The following INSYN2A variants were observed in gnomAD, a reference collection of about 807,000 sequenced individuals.
INSYN2A encodes the protein inhibitory synaptic factor 2A.
A neutral mutation model predicts 39.4 loss-of-function variants in INSYN2A; 17 were observed. The ratio of observed to expected loss-of-function variants is 0.43; its 90% CI spans 0.30 to 0.65. The LOEUF (loss-of-function observed/expected upper bound fraction) is 0.65. INSYN2A is among the 30% of genes least tolerant of loss of function. The pLI is 0.14. For missense variants in INSYN2A, 595 were observed against 631.2 expected (o/e 0.94, Z 0.61); for synonymous variants, 255 against 265.7 (o/e 0.96, Z 0.39).
intron 1 of INSYN2A, among the ~76,000 whole-genome samples, chr10:127,194,106 T>G (rs1390935523): frequency 6.6e-6 from 1 of 152,252 alleles, no homozygotes; most frequent in Non-Finnish European, 1.5e-5. Flanking sequence ...AGTCTTTCAT[T>G]TAGCTAAAGA....
chr10:127,148,524 T>C (rs1592230271), intron 5 of INSYN2A, among the ~76,000 whole-genome samples: 2 of 152,338 alleles, frequency 1.3e-5, no homozygotes, highest in South Asian at 2.1e-4. Context: ...GTCGCAGTAC[T>C]ATGTTACAAA....
chr10:127,146,604 C>T (rs1222124628), intron 5 of INSYN2A, among the ~76,000 whole-genome samples: 1 of 152,164 alleles, frequency 6.6e-6, no homozygotes, highest in Non-Finnish European at 1.5e-5. Flanking sequence ...ATTCCTTTCT[C>T]TCATCTTCCT....
chr10:127,163,517 T>C (rs1254406216), intron 4 of INSYN2A, among the ~76,000 whole-genome samples: 3 of 152,166 alleles, frequency 2.0e-5, no homozygotes, highest in Non-Finnish European at 4.4e-5. Flanking sequence ...TTTTGAATAA[T>C]GCTTGAGTGA....
At chr10:127,179,097 C>G (rs1020897915) in intron 2 of INSYN2A, among the ~76,000 whole-genome samples, 5 of 152,208 alleles carry the variant, frequency 3.3e-5, no homozygotes, top group African/African-American at 7.2e-5. Flanking sequence ...AGTAATTTAT[C>G]AGCCTTTTCC....
chr10:127,160,567 C>T (rs2053513279), intron 4 of INSYN2A, among the ~76,000 whole-genome samples: 1 of 152,178 alleles, frequency 6.6e-6, no homozygotes, highest in African/African-American at 2.4e-5. Flanking sequence ...TCTAGCATGT[C>T]AGGGAGCAGC....
intron 2 of INSYN2A, among the ~76,000 whole-genome samples, chr10:127,191,080 C>T (rs2056722103): frequency 6.6e-6 from 1 of 152,132 alleles, no homozygotes; most frequent in African/African-American, 2.4e-5. Flanking sequence ...CTCACTCTTC[C>T]CATACAAGTC....
intron 2 of INSYN2A, among the ~76,000 whole-genome samples, chr10:127,191,552 A>G (rs1050701996): frequency 3.3e-5 from 5 of 152,234 alleles, no homozygotes; most frequent in African/African-American, 4.8e-5. Context: ...GGTATCTAAA[A>G]TGTAACCACT....
chr10:127,193,756 T>A (rs970485951), intron 1 of INSYN2A, among the ~76,000 whole-genome samples: 15 of 152,064 alleles, frequency 9.9e-5, no homozygotes, highest in Non-Finnish European at 1.5e-5. Flanking sequence ...TTTAAAAATT[T>A]TTCCCTACAG....
intron 4 of INSYN2A, among the ~76,000 whole-genome samples, chr10:127,159,721 A>G (rs892542637): frequency 3.6e-4 from 55 of 152,162 alleles, no homozygotes; most frequent in African/African-American, 1.3e-3. Flanking sequence ...CATCACGGGT[A>G]GACATTTGAA....
chr10:127,137,762 T>C lies in INSYN2A; in HGVS notation c.*75A>G. Reference sequence around the variant, plus strand: ...GGGCACCACAGTTCCCTCGATCCTATTCATTTTGGAAAAGTATTGACTTAA... The same window carrying C: ...GGGCACCACAGTTCCCTCGATCCTACTCATTTTGGAAAAGTATTGACTTAA... On this transcript the variant is annotated 3_prime_UTR_variant, in exon 6 of 6. Transcript: ENST00000522781. 1 of 1,401,712 alleles carries C rather than the reference T, an allele frequency of 7.1e-7. No individual in the cohort carries two copies. The highest frequency in any genetic ancestry group is 1.4e-5 in the South Asian group (1 of 72,686). The allele number at this position is 1,401,712 out of a possible 1,614,324, so 86.8% of individuals were successfully genotyped here. A position where few individuals can be genotyped will look rare whatever the true frequency, so the allele number is the denominator to read the frequency against.
chr10:127,184,530 GCA>G (rs1275272883), intron 2 of INSYN2A, among the ~76,000 whole-genome samples: 1 of 141,020 alleles, frequency 7.1e-6, no homozygotes, highest in Non-Finnish European at 1.5e-5. Context: ...GGCTTCAAGT[GCA>G]CACGTCGCTT....
intron 4 of INSYN2A, among the ~76,000 whole-genome samples, chr10:127,168,237 C>T (rs2054256792): frequency 6.6e-6 from 1 of 152,218 alleles, no homozygotes; most frequent in African/African-American, 2.4e-5. Flanking sequence ...AGGCTGACCT[C>T]AGCCAGCTGG....
Position 127,175,397 on chromosome 10 carries a change from G to A in INSYN2A, c.999C>T (p.Asn333=). Residue 333 remains asparagine (N), a synonymous_variant, in exon 4 of 6, where the codon AAC becomes AAT. Transcript: ENST00000522781. The surrounding 1 kb of genome is among the most constrained non-coding windows in gnomAD (Gnocchi z 6.3). The stretch of plus-strand genomic sequence containing the variant: ...CAGCAACCGCTGTGGGACTAGGCTG[G>A]TTCCCCAGCCCCGGCGGGGTGTGAG... ...SQTHTPPGLG[N]QPSPTAVAAG... 6.2e-7 allele frequency: 1 copy of A among 1,613,702 alleles called. No homozygotes were observed. The highest frequency in any genetic ancestry group is 8.5e-7 in the Non-Finnish European group (1 of 1,180,040).
At chr10:127,144,833 T>C (rs1037725641) in intron 5 of INSYN2A, among the ~76,000 whole-genome samples, 1 of 152,206 alleles carries the variant, frequency 6.6e-6, no homozygotes, top group African/African-American at 2.4e-5. Context: ...ATGTTTATGG[T>C]ATCACTGTAG....
chr10:127,195,664 C>T (rs561873247), intron 1 of INSYN2A, among the ~76,000 whole-genome samples: 5 of 152,176 alleles, frequency 3.3e-5, no homozygotes, highest in Non-Finnish European at 7.4e-5. Flanking sequence ...GTCGGGCGCT[C>T]ACGAAGCTGT....
intron 4 of INSYN2A, among the ~76,000 whole-genome samples, chr10:127,156,024 T>A (rs1443569032): frequency 6.6e-6 from 1 of 152,198 alleles, no homozygotes. Flanking sequence ...ATCCAAATTT[T>A]AGGTTCTTAC....
intron 4 of INSYN2A, among the ~76,000 whole-genome samples, chr10:127,164,609 T>A (rs1294852265): frequency 6.6e-6 from 1 of 152,226 alleles, no homozygotes; most frequent in Non-Finnish European, 1.5e-5. Flanking sequence ...GACATTATTA[T>A]TGTCAGAAAT....
Position 127,175,364 on chromosome 10 carries a change from T to C in INSYN2A, c.1032A>G (p.Glu344=), listed in dbSNP as rs1305163141. The change falls in exon 4 of 6, where the codon GAA becomes GAG. Residue 344 remains glutamate, a synonymous_variant. Transcript: ENST00000522781. The surrounding 1 kb of genome is among the most constrained non-coding windows in gnomAD (Gnocchi z 6.3). ...TATGAGGCACGATTCGTTGGCATTC[T>C]TCACCTGCAGCAACCGCTGTGGGAC... is the stretch of plus-strand genomic sequence containing the variant. ...QPSPTAVAAG[E]ECQRIVPHTE... 1 of 1,614,110 alleles carries C rather than the reference T, an allele frequency of 6.2e-7. No homozygotes were observed. Among genetic ancestry groups the C allele is most frequent in the South Asian group, 1.1e-5 (1 of 91,084 alleles).
At chr10:127,178,281 A>T (rs1320801933) in intron 2 of INSYN2A, among the ~76,000 whole-genome samples, 1 of 152,226 alleles carries the variant, frequency 6.6e-6, no homozygotes, top group Non-Finnish European at 1.5e-5. Flanking sequence ...ACAGGTAATC[A>T]TGTGTAAGAA....
Sources: gnomAD v4.1 joint callset for allele counts (sites outside exome capture counted in the v4.1 genomes callset) on GRCh38, gnomAD v4.1.1 for gene constraint, Gnocchi (gnomAD v3.1) non-coding constraint, MANE v1.5 for transcripts, NCBI Gene and HGNC (gene_info 2026-07-23, HGNC 2026-07-21) for gene names.